ALDH3B2: variants seen among roughly 807,000 people sequenced by gnomAD.
ALDH3B2 encodes the protein aldehyde dehydrogenase family 3 member B2.
ALDH3B2 carries 45 observed loss-of-function variants against 36.7 expected under a neutral mutation model. That is an observed-to-expected ratio of 1.23 (90% CI 0.97 to 1.57). ALDH3B2 has a LOEUF of 1.57. ALDH3B2 is among the 40% of genes most tolerant of loss of function. The pLI is 0.00. For synonymous variants in ALDH3B2, 217 were observed against 226.5 expected (o/e 0.96, Z 0.38); for missense variants, 464 against 513.3 (o/e 0.90, Z 0.93).
exon 10 of ALDH3B2, chr11:67,663,068 G>C: frequency 2.0e-6 from 2 of 1,010,838 alleles, no homozygotes; most frequent in Non-Finnish European, 2.9e-6. Flanking sequence ...TGCAGCCCTG[G>C]CAGGCAGGAT....
At chr11:67,663,244 T>A (rs1475576508) in exon 10 of ALDH3B2, 1 of 1,612,668 alleles carries the variant, frequency 6.2e-7, no homozygotes, top group Non-Finnish European at 8.5e-7. Flanking sequence ...TGGGAGCCCA[T>A]GCCCCAGCGT....
At chr11:67,663,466 G>T in intron 9 of ALDH3B2, 67 bp from the exon 10 acceptor site, 1 of 1,545,206 alleles carries the variant, frequency 6.5e-7, no homozygotes. Flanking sequence ...GCAGCCCACT[G>T]CCCCGGCCAG....
chr11:67,666,118 T>G lies in ALDH3B2; in HGVS notation c.319+4A>C. 1 of 1,559,590 alleles carries G rather than the reference T, an allele frequency of 6.4e-7. No individual in the cohort carries two copies. The highest frequency in any genetic ancestry group is 8.7e-7 in the Non-Finnish European group (1 of 1,145,350). ...ACTCTGGGACCCTGGCCTGGCCCCC[T>G]CACCTGTGAAGAAGATGTAGTCCAA... On this transcript the variant is annotated splice_donor_region_variant and intron_variant, in intron 6 of 9. Coordinates refer to ENST00000349015, the Ensembl canonical transcript of ALDH3B2.
At chr11:67,670,202 A>G (rs1268068011) in intron 1 of ALDH3B2, among the ~76,000 whole-genome samples, 7 of 48,262 alleles carry the variant, frequency 1.5e-4, no homozygotes, top group East Asian at 6.9e-4. Flanking sequence ...CTGTGTGTGT[A>G]TGGGTGTGTG....
In ALDH3B2 at chr11:67,667,576, G is replaced by A. The variant is rs1202646644; in HGVS notation, c.-185C>T. 3 of 378,890 alleles carry A rather than the reference G, an allele frequency of 7.9e-6. No individual in the cohort carries two copies. Among genetic ancestry groups the A allele is most frequent in the South Asian group, 9.6e-5 (1 of 10,400 alleles). The allele number at this position is 378,890 out of a possible 1,614,324, so 23.5% of individuals were successfully genotyped here. On this transcript the variant is annotated 5_prime_UTR_variant, in exon 2 of 10. The change creates a new upstream start codon in the 5' untranslated region. Coordinates refer to ENST00000349015, the Ensembl canonical transcript of ALDH3B2. Reference sequence around the variant, plus strand: ...CGCAGCCCGGAACTCGGCCGGCCGCGTGCGCCCTCAGTTGAAGGCCTCACG... The same window carrying A: ...CGCAGCCCGGAACTCGGCCGGCCGCATGCGCCCTCAGTTGAAGGCCTCACG...
exon 7 of ALDH3B2, chr11:67,665,662 C>T (rs377311335): frequency 2.1e-5 from 33 of 1,607,918 alleles, no homozygotes; most frequent in East Asian, 8.9e-5. Context: ...CTTGCCCACA[C>T]GAGGGCTCCC....
At chr11:67,672,115 T>C (rs1333394812) in intron 1 of ALDH3B2, among the ~76,000 whole-genome samples, 1 of 110,448 alleles carries the variant, frequency 9.1e-6, no homozygotes, top group Non-Finnish European at 1.8e-5. Flanking sequence ...TGTGTGTGTG[T>C]GTGTGTGTGT....
exon 7 of ALDH3B2, chr11:67,665,531 A>G: frequency 6.2e-7 from 1 of 1,613,816 alleles, no homozygotes; most frequent in Non-Finnish European, 8.5e-7. Context: ...AAGTAGCAGA[A>G]CCAGGCCACG....
chr11:67,676,623 T>C (rs1436088179), upstream of ALDH3B2, among the ~76,000 whole-genome samples: 2 of 151,532 alleles, frequency 1.3e-5, no homozygotes, highest in Non-Finnish European at 2.9e-5. Flanking sequence ...CTAAATGAAA[T>C]TGAAACAGAA....
At chr11:67,662,891 T>A (rs892527378) in exon 10 of ALDH3B2, 1 of 358,224 alleles carries the variant, frequency 2.8e-6, no homozygotes, top group African/African-American at 2.1e-5. Flanking sequence ...CAGGGCACTG[T>A]ATTTTCCAGG....
At chr11:67,673,408 C>T (rs993404249) in intron 1 of ALDH3B2, among the ~76,000 whole-genome samples, 5 of 152,162 alleles carry the variant, frequency 3.3e-5, no homozygotes, top group East Asian at 1.9e-4. Flanking sequence ...CAAACATGAT[C>T]GGTGGGCCAG....
At chr11:67,667,406 G>A (rs900464681) in intron 2 of ALDH3B2, 67 bp downstream of exon 2, 8 of 344,660 alleles carry the variant, frequency 2.3e-5, no homozygotes, top group South Asian at 9.4e-5. Context: ...TAGGGGGCAC[G>A]GGCCCTCCTG....
At chr11:67,679,000 A>C (rs140094164), upstream of ALDH3B2, among the ~76,000 whole-genome samples, 1,391 of 152,238 alleles carry the variant, frequency 9.1e-3, 26 homozygotes, top group African/African-American at 0.032. Context: ...TAAGAATGAT[A>C]CAATGGACTT....
chr11:67,663,119 C>G (rs3127), exon 10 of ALDH3B2: 76 of 1,414,788 alleles, frequency 5.4e-5, no homozygotes, highest in Non-Finnish European at 6.9e-5. Flanking sequence ...GCTGGGGGAA[C>G]CTGCGGTCTG....
upstream of ALDH3B2, among the ~76,000 whole-genome samples, chr11:67,675,684 A>G (rs940079030): frequency 6.6e-6 from 1 of 152,190 alleles, no homozygotes; most frequent in Non-Finnish European, 1.5e-5. Flanking sequence ...GTAAATGCCA[A>G]TGTGACACCA....
At chr11:67,667,573 C>T (rs1046660974) in exon 2 of ALDH3B2, 2 of 380,464 alleles carry the variant, frequency 5.3e-6, no homozygotes, top group Non-Finnish European at 4.6e-6. Flanking sequence ...CTCGGCCGGC[C>T]GCGTGCGCCC....
At chr11:67,666,051 C>G in intron 6 of ALDH3B2, 71 bp downstream of exon 6, 1 of 1,524,840 alleles carries the variant, frequency 6.6e-7, no homozygotes, top group Non-Finnish European at 9.0e-7. Flanking sequence ...CCTCCTCCCT[C>G]CACAACCCTC....
upstream of ALDH3B2, among the ~76,000 whole-genome samples, chr11:67,678,289 CAGAAT>C (rs1188247926): frequency 6.6e-6 from 1 of 152,118 alleles, no homozygotes; most frequent in East Asian, 1.9e-4. Context: ...ACCAATGGAA[CAGAAT>C]AGAGAACCCA....
chr11:67,668,861 G>A (rs111169980), intron 1 of ALDH3B2, among the ~76,000 whole-genome samples: 87 of 142,538 alleles, frequency 6.1e-4, no homozygotes, highest in African/African-American at 1.9e-3. Context: ...ATGTATGGGT[G>A]CTGTGTGTCT....
Sources: allele counts gnomAD v4.1 joint callset (sites outside exome capture counted in the v4.1 genomes callset), GRCh38; gene constraint gnomAD v4.1.1; transcripts MANE v1.5; gene names NCBI Gene and HGNC (gene_info 2026-07-23, HGNC 2026-07-21).